DENND2B: variants seen among roughly 807,000 people sequenced by gnomAD.
DENND2B encodes the protein DENN domain containing 2B.
DENND2B carries 32 observed loss-of-function variants against 116.0 expected under a neutral mutation model. The observed-to-expected ratio is 0.28, with a 90% CI of 0.21 to 0.37. The LOEUF (loss-of-function observed/expected upper bound fraction) is 0.37, where lower values mean the gene tolerates loss of function less well. DENND2B is among the 10% of genes least tolerant of loss of function. DENND2B has a pLI of 1.00. For missense variants in DENND2B, 1,276 were observed against 1,477.7 expected, an observed-to-expected ratio of 0.86 and a Z score of 2.24; for synonymous variants, 588 against 583.9, an observed-to-expected ratio of 1.01 and a Z score of -0.10.
intron 1 of DENND2B, among the ~76,000 whole-genome samples, chr11:8,894,992 A>C (rs1453291155): frequency 6.6e-6 from 1 of 152,220 alleles, no homozygotes; most frequent in African/African-American, 2.4e-5. Flanking sequence ...AAGACTTGGA[A>C]CCAACCCAAA....
chr11:8,734,498 C>G (rs778162582), intron 2 of DENND2B, among the ~76,000 whole-genome samples: 5 of 152,076 alleles, frequency 3.3e-5, no homozygotes, highest in Non-Finnish European at 7.4e-5. Flanking sequence ...TGGAAGATCA[C>G]GTATCTCGGC....
chr11:8,870,985 G>A (rs1454826260), exon 2 of DENND2B: 1 of 151,968 alleles, frequency 6.6e-6, no homozygotes, highest in Non-Finnish European at 1.5e-5. Flanking sequence ...CGGGCGCGGC[G>A]CCTGGATGGG....
chr11:8,783,065 T>TC (rs1565939970), intron 1 of DENND2B, among the ~76,000 whole-genome samples: 2 of 149,042 alleles, frequency 1.3e-5, no homozygotes, highest in African/African-American at 5.0e-5. Context: ...TTTTTTTTTT[T>TC]TCCCAAAGAG....
intron 1 of DENND2B, among the ~76,000 whole-genome samples, chr11:8,764,302 T>C (rs1011844504): frequency 5.9e-5 from 9 of 152,142 alleles, no homozygotes; most frequent in Non-Finnish European, 1.2e-4. Context: ...CTTAGATCAT[T>C]AGGGCTCAAT....
chr11:8,826,222 C>T (rs2061974287), intron 4 of DENND2B, among the ~76,000 whole-genome samples: 1 of 152,140 alleles, frequency 6.6e-6, no homozygotes, highest in African/African-American at 2.4e-5. Flanking sequence ...CTAGTCACAT[C>T]AAAACCTCCC....
chr11:8,826,176 G>C (rs913845769), intron 4 of DENND2B, among the ~76,000 whole-genome samples: 3 of 152,170 alleles, frequency 2.0e-5, no homozygotes, highest in African/African-American at 7.2e-5. Context: ...AGAAGAGACA[G>C]CTGGGCCCTG....
At chr11:8,721,419 C>T (rs2046154422) in intron 4 of DENND2B, among the ~76,000 whole-genome samples, 1 of 152,194 alleles carries the variant, frequency 6.6e-6, no homozygotes, top group Non-Finnish European at 1.5e-5. Flanking sequence ...TACGCACAGG[C>T]ACTGAGAATT....
intron 1 of DENND2B, among the ~76,000 whole-genome samples, chr11:8,796,956 A>C (rs2059870011): frequency 6.6e-6 from 1 of 152,162 alleles, no homozygotes; most frequent in Non-Finnish European, 1.5e-5. Context: ...GCTAAAAAAA[A>C]CTCATTCAAT....
chr11:8,908,219 T>A (rs979980390), intron 1 of DENND2B, among the ~76,000 whole-genome samples: 15 of 152,192 alleles, frequency 9.9e-5, no homozygotes, highest in South Asian at 8.3e-4. Context: ...ACACAAAAAA[T>A]TTTTTTAAGG....
intron 1 of DENND2B, among the ~76,000 whole-genome samples, chr11:8,783,023 T>C (rs185780966): frequency 4.8e-4 from 73 of 151,298 alleles, no homozygotes; most frequent in African/African-American, 1.7e-3. Context: ...TATACAGATA[T>C]GTAGATATTT....
At chr11:8,739,684 C>G (rs1231511540) in intron 2 of DENND2B, among the ~76,000 whole-genome samples, 1 of 152,108 alleles carries the variant, frequency 6.6e-6, no homozygotes, top group Non-Finnish European at 1.5e-5. Flanking sequence ...GCATGGATGC[C>G]AACACTGCAG....
intron 4 of DENND2B, among the ~76,000 whole-genome samples, chr11:8,832,310 G>T (rs2062239598): frequency 6.6e-6 from 1 of 152,126 alleles, no homozygotes; most frequent in Non-Finnish European, 1.5e-5. Flanking sequence ...AAATTAGCTG[G>T]GCATGGTGGT....
intron 3 of DENND2B, among the ~76,000 whole-genome samples, chr11:8,727,090 C>G (rs2047201108): frequency 6.6e-6 from 1 of 152,166 alleles, no homozygotes; most frequent in African/African-American, 2.4e-5. Flanking sequence ...GAGGTACGTC[C>G]CTCATCTGAG....
At chr11:8,721,213 C>T (rs537454918) in intron 4 of DENND2B, among the ~76,000 whole-genome samples, 5 of 152,020 alleles carry the variant, frequency 3.3e-5, no homozygotes, top group African/African-American at 4.8e-5. Flanking sequence ...CACACAAATC[C>T]TCTTAAAGGA....
intron 1 of DENND2B, among the ~76,000 whole-genome samples, chr11:8,789,531 T>C (rs962859262): frequency 6.6e-6 from 1 of 152,208 alleles, no homozygotes; most frequent in African/African-American, 2.4e-5. Context: ...CATGTGCCTC[T>C]GATCTGCTGC....
intron 4 of DENND2B, among the ~76,000 whole-genome samples, chr11:8,815,948 T>C (rs1171593573): frequency 3.9e-5 from 6 of 152,228 alleles, no homozygotes; most frequent in African/African-American, 1.2e-4. Flanking sequence ...AATACATATA[T>C]GTAAATCGGA....
intron 13 of DENND2B, among the ~76,000 whole-genome samples, chr11:8,706,361 G>A (rs1282481557): frequency 1.6e-4 from 24 of 152,164 alleles, no homozygotes; most frequent in Admixed American, 1.6e-3. Flanking sequence ...ATCGTGATTG[G>A]GTTCTTGCCT....
chr11:8,840,023 C>T (rs2062571473), intron 3 of DENND2B, among the ~76,000 whole-genome samples: 2 of 151,854 alleles, frequency 1.3e-5, no homozygotes, highest in South Asian at 4.2e-4. Flanking sequence ...CAGCTCTTCC[C>T]CAGGTGGAAA....
intron 1 of DENND2B, chr11:8,774,010 T>C (rs2134202819): frequency 1.5e-6 from 1 of 669,362 alleles, no homozygotes; most frequent in South Asian, 6.6e-5. Context: ...TTTGGATGTG[T>C]TGCCTACCCT....
Sources: allele counts gnomAD v4.1 joint callset (sites outside exome capture counted in the v4.1 genomes callset), GRCh38; gene constraint gnomAD v4.1.1; transcripts MANE v1.5; gene names NCBI Gene and HGNC (gene_info 2026-07-23, HGNC 2026-07-21).